The following GALNT10 variants were observed in gnomAD, a reference collection of about 807,000 sequenced individuals.
The protein encoded by GALNT10 is polypeptide N-acetylgalactosaminyltransferase 10, also known as GalNAc transferase 10.
A neutral mutation model predicts 75.0 loss-of-function variants in GALNT10; 41 were observed. The ratio of observed to expected loss-of-function variants is 0.55; its 90% CI spans 0.43 to 0.71. GALNT10 has a LOEUF of 0.71. Among genes scored for constraint, GALNT10 ranks in the 30% least tolerant of loss-of-function variants. The pLI is 0.00. For missense variants in GALNT10, 727 were observed against 818.5 expected, an observed-to-expected ratio of 0.89 and a Z score of 1.36; for synonymous variants, 302 against 313.0, an observed-to-expected ratio of 0.96 and a Z score of 0.37.
intron 2 of GALNT10, among the ~76,000 whole-genome samples, chr5:154,297,162 G>C (rs1754288396): frequency 6.6e-6 from 1 of 152,152 alleles, no homozygotes; most frequent in African/African-American, 2.4e-5. Flanking sequence ...TGGGAACCTA[G>C]AGAAAAATTT....
chr5:154,300,381 C>T lies in GALNT10; in HGVS notation c.401+2302C>T, dbSNP rs533531517. On this transcript the variant is annotated intron_variant, in intron 3 of 11. Coordinates refer to ENST00000297107, the MANE Select transcript of GALNT10 (RefSeq NM_198321.4). Reference sequence around the variant, plus strand: ...TCTTGTGGTACTGTGGGTTCTCAACCCTGGCTGCACCTGGATGGTTTTTTA... The same window carrying T: ...TCTTGTGGTACTGTGGGTTCTCAACTCTGGCTGCACCTGGATGGTTTTTTA... Among the ~76,000 whole-genome samples, 138 of 152,270 alleles carry T rather than the reference C, an allele frequency of 9.1e-4. 1 individual carries two copies. The highest frequency in any genetic ancestry group is 3.1e-3 in the African/African-American group (127 of 41,568).
chr5:154,397,975 G>T (rs770537801), intron 7 of GALNT10, among the ~76,000 whole-genome samples: 29 of 152,222 alleles, frequency 1.9e-4, no homozygotes, highest in Non-Finnish European at 3.2e-4. Flanking sequence ...ATAAGAGCGG[G>T]TAATTGTCTT....
chr5:154,196,725 G>A (rs559456322), intron 1 of GALNT10, among the ~76,000 whole-genome samples: 4 of 152,222 alleles, frequency 2.6e-5, no homozygotes, highest in African/African-American at 9.6e-5. Flanking sequence ...AGGTCTTACC[G>A]GTCTACTTTG....
intron 10 of GALNT10, among the ~76,000 whole-genome samples, chr5:154,413,935 C>T (rs574288551): frequency 2.0e-5 from 3 of 152,172 alleles, no homozygotes; most frequent in African/African-American, 7.2e-5. Context: ...AATGAAAGGA[C>T]TTGTATCCTC....
At chr5:154,214,627 T>C (rs899507050) in intron 1 of GALNT10, among the ~76,000 whole-genome samples, 44 of 152,208 alleles carry the variant, frequency 2.9e-4, no homozygotes, top group Admixed American at 2.4e-3. Flanking sequence ...CAACTCAGTA[T>C]ATTCATTACA....
chr5:154,222,462 T>G (rs1346784533), intron 1 of GALNT10, among the ~76,000 whole-genome samples: 2 of 152,234 alleles, frequency 1.3e-5, no homozygotes, highest in Non-Finnish European at 2.9e-5. Context: ...TATATGTTTT[T>G]GTTTTTCTTG....
chr5:154,329,888 A>AAC, intron 4 of GALNT10, 150 bp downstream of exon 4: 1 of 471,148 alleles, frequency 2.1e-6, no homozygotes, highest in East Asian at 3.1e-5. Flanking sequence ...ACATTTTCTC[A>AAC]TTTAATCTTC....
chr5:154,278,219 C>A (rs548089972), intron 1 of GALNT10, among the ~76,000 whole-genome samples: 1 of 150,794 alleles, frequency 6.6e-6, no homozygotes, highest in East Asian at 1.9e-4. Context: ...AACTGGATTG[C>A]ACACTGCCAA....
intron 4 of GALNT10, among the ~76,000 whole-genome samples, chr5:154,341,595 T>A (rs142443668): frequency 7.5e-4 from 114 of 152,256 alleles, no homozygotes; most frequent in African/African-American, 2.6e-3. Flanking sequence ...AATAGAAAAC[T>A]CAAACTAACA....
At position 154,416,565 on chromosome 5, in the gene GALNT10, C is replaced by G. The variant is rs1475032547; in HGVS notation, c.1654-249C>G. On this transcript the variant is annotated intron_variant, in intron 11 of 11. Coordinates refer to ENST00000297107, the MANE Select transcript of GALNT10 (RefSeq NM_198321.4). The surrounding 1 kb of genome is among the most constrained non-coding windows in gnomAD (Gnocchi z 4.5). ...ACAGGAGGTGGGCAGTGTCTAGGTC[C>G]CAGGCCTGGAAGCTGCGTGCATCAC... 1.3e-5 allele frequency among the ~76,000 whole-genome samples: 2 copies of G among 149,544 alleles called. No homozygotes were observed. Among genetic ancestry groups the G allele is most frequent in the African/African-American group, 2.5e-5 (1 of 40,166 alleles).
chr5:154,246,588 T>C (rs1753428517), intron 1 of GALNT10, among the ~76,000 whole-genome samples: 3 of 152,230 alleles, frequency 2.0e-5, no homozygotes, highest in African/African-American at 7.2e-5. Flanking sequence ...AATGTGCCTT[T>C]TGGCTGTATA....
chr5:154,398,735 C>T (rs759768394), intron 7 of GALNT10, among the ~76,000 whole-genome samples: 31 of 152,336 alleles, frequency 2.0e-4, no homozygotes, highest in Non-Finnish European at 3.7e-4. Context: ...ATTCCTGCCC[C>T]CTGTTCCACA....
At chr5:154,328,265 C>A (rs1475132312) in intron 3 of GALNT10, among the ~76,000 whole-genome samples, 1 of 152,110 alleles carries the variant, frequency 6.6e-6, no homozygotes, top group East Asian at 1.9e-4. Context: ...AATGTTAATT[C>A]TTCTGGGTGT....
In GALNT10 at chr5:154,415,767, A is replaced by C; in HGVS notation, c.1504-16A>C. 2 of 1,601,262 alleles carry C rather than the reference A, an allele frequency of 1.2e-6. No homozygotes were observed. Among genetic ancestry groups the C allele is most frequent in the Non-Finnish European group, 1.7e-6 (2 of 1,172,868 alleles). On this transcript the variant is annotated splice_polypyrimidine_tract_variant and intron_variant, in intron 10 of 11. Coordinates refer to ENST00000297107, the MANE Select transcript of GALNT10 (RefSeq NM_198321.4). ...CTTGGCTTTGCTATCCCTATTTATG[A>C]TGCCCCTGTGCACAGGTATTCACCT...
At chr5:154,356,220 G>A (rs1755288032) in intron 4 of GALNT10, 1 of 456,274 alleles carries the variant, frequency 2.2e-6, no homozygotes, top group South Asian at 1.5e-5. Flanking sequence ...GCAGCTCTGG[G>A]ATGATGCCAG....
chr5:154,219,162 C>T (rs542578847), intron 1 of GALNT10, among the ~76,000 whole-genome samples: 1 of 152,364 alleles, frequency 6.6e-6, no homozygotes, highest in Admixed American at 6.5e-5. Context: ...TGTAGCTCAT[C>T]TACTCCCCGA....
chr5:154,258,346 G>A lies in GALNT10; in HGVS notation c.160-36470G>A, dbSNP rs574477269. Reference sequence around the variant, plus strand: ...ACTGCTTATTCCTTACATTATGCTAGGGAATAATTGGGCATTGCCGGGGAA... The same window carrying A: ...ACTGCTTATTCCTTACATTATGCTAAGGAATAATTGGGCATTGCCGGGGAA... On this transcript the variant is annotated intron_variant, in intron 1 of 11. Coordinates refer to ENST00000297107, the MANE Select transcript of GALNT10 (RefSeq NM_198321.4). Among the ~76,000 whole-genome samples, 17 of 152,288 alleles carry A rather than the reference G, an allele frequency of 1.1e-4. No individual in the cohort carries two copies. The East Asian group carries it at 3.3e-3, about 29-fold the overall frequency.
chr5:154,218,922 TC>T (rs984096865), intron 1 of GALNT10, among the ~76,000 whole-genome samples: 13 of 152,162 alleles, frequency 8.5e-5, no homozygotes, highest in African/African-American at 3.1e-4. Context: ...TCTTCTGTTT[TC>T]CTGTGTCCTT....
intron 1 of GALNT10, among the ~76,000 whole-genome samples, chr5:154,220,738 G>A (rs898142744): frequency 2.7e-5 from 4 of 147,892 alleles, no homozygotes; most frequent in African/African-American, 7.3e-5. Context: ...AATGTCCTGG[G>A]TGAGGAGTGG....
Sources: allele counts gnomAD v4.1 joint callset (sites outside exome capture counted in the v4.1 genomes callset), GRCh38; gene constraint gnomAD v4.1.1; non-coding constraint Gnocchi (gnomAD v3.1); transcripts MANE v1.5; gene names NCBI Gene and HGNC (gene_info 2026-07-23, HGNC 2026-07-21).